Variants in RIMBP2 observed in about 807,000 individuals in gnomAD.
RIMBP2 encodes the protein RIMS binding protein 2, also known as RIMS-binding protein 2.
A neutral mutation model predicts 118.6 loss-of-function variants in RIMBP2; 48 were observed. The observed-to-expected ratio is 0.40, with a 90% CI of 0.32 to 0.51. RIMBP2 has a LOEUF of 0.51. RIMBP2 is among the 20% of genes least tolerant of loss of function. RIMBP2 has a pLI of 0.41. For synonymous variants in RIMBP2, 762 were observed against 742.9 expected, an observed-to-expected ratio of 1.03 and a Z score of -0.42; for missense variants, 1,551 against 1,768.3, an observed-to-expected ratio of 0.88 and a Z score of 2.20.
intron 2 of RIMBP2, among the ~76,000 whole-genome samples, chr12:130,550,522 C>T (rs1028964933): frequency 1.3e-5 from 2 of 152,126 alleles, no homozygotes; most frequent in South Asian, 2.1e-4. Flanking sequence ...CATGGTACCA[C>T]GGTGGTGAAT....
chr12:130,615,786 C>T (rs1594051538), intron 2 of RIMBP2, among the ~76,000 whole-genome samples: 1 of 152,102 alleles, frequency 6.6e-6, no homozygotes, highest in Non-Finnish European at 1.5e-5. Flanking sequence ...AAAACCAATG[C>T]CCACTAAGTT....
At position 130,506,722 on chromosome 12, in the gene RIMBP2, T is replaced by C; in HGVS notation, c.-78A>G. 1 of 985,786 alleles carries C rather than the reference T, an allele frequency of 1.0e-6. No individual in the cohort carries two copies. Among genetic ancestry groups the C allele is most frequent in the Non-Finnish European group, 1.2e-6 (1 of 829,944 alleles). 61.1% of individuals were successfully genotyped at this position (985,786 alleles called of 1,614,324 possible). A position where few individuals can be genotyped will look rare whatever the true frequency, so the allele number is the denominator to read the frequency against. ...TCCTTCACGGCCAAATCGCGCTCTC[T>C]GGTCACGAGGGTGAGCGGATGGTTG... On this transcript the variant is annotated 5_prime_UTR_variant, in exon 4 of 23. Coordinates refer to ENST00000690449, the MANE Select transcript of RIMBP2 (RefSeq NM_001393629.1).
In RIMBP2 at chr12:130,450,999, C is replaced by A. The variant is rs890072125; in HGVS notation, c.504+196G>T. 6.6e-6 allele frequency among the ~76,000 whole-genome samples: 1 copy of A among 151,876 alleles called. No homozygotes were observed. Among genetic ancestry groups the A allele is most frequent in the African/African-American group, 2.4e-5 (1 of 41,120 alleles). ...GCTCCCCCTTAGAACAGGGACCTCA[C>A]CTGTGTTCACAGAGGGGCCCCCCCA... On this transcript the variant is annotated intron_variant, in intron 8 of 22. Transcript: ENST00000690449. This position sits in a 1 kb window ranked among gnomAD's most constrained non-coding sequence, Gnocchi z 4.8.
At chr12:130,681,670 C>T (rs1301706062) in intron 1 of RIMBP2, among the ~76,000 whole-genome samples, 3 of 152,190 alleles carry the variant, frequency 2.0e-5, no homozygotes, top group Non-Finnish European at 1.5e-5. Flanking sequence ...CCATCCCTCA[C>T]ATGACAACCT....
At chr12:130,461,705 T>C (rs1030915928) in intron 6 of RIMBP2, among the ~76,000 whole-genome samples, 1 of 151,868 alleles carries the variant, frequency 6.6e-6, no homozygotes, top group Admixed American at 6.6e-5. Flanking sequence ...CAAGGTCTGC[T>C]TGTTGAAAAG....
rs1480034216 is a variant in RIMBP2, at chr12:130,396,379, A to G, written c.*982T>C. 4.6e-5 allele frequency: 7 copies of G among 152,810 alleles called. No homozygotes were observed. In the East Asian group the frequency reaches 1.3e-3, roughly 29 times the overall value. 9.5% of individuals were successfully genotyped at this position (152,810 alleles called of 1,614,324 possible). A position where few individuals can be genotyped will look rare whatever the true frequency, so the allele number is the denominator to read the frequency against. On this transcript the variant is annotated 3_prime_UTR_variant, in exon 23 of 23. Transcript: ENST00000690449. ...AAAGTATGTATAAAGAGTAAAAACA[A>G]TTTACAAGTGGACAAGAATTACAAA...
rs575380166 is a variant in RIMBP2 at position 130,677,497 on chromosome 12, G to A, written c.-352+38725C>T. On this transcript the variant is annotated intron_variant, in intron 1 of 22. Coordinates refer to ENST00000690449, the MANE Select transcript of RIMBP2 (RefSeq NM_001393629.1). ...ACAAAAATTAGCTCAGGGTGGTGGC[G>A]GGCACTTGTAGTCCCAGCTACTCAG... Among the ~76,000 whole-genome samples the A allele has an allele frequency of 9.9e-4, 150 of 152,116 alleles. 2 individuals are homozygous for A. Among genetic ancestry groups the A allele is most frequent in the African/African-American group, 3.4e-3 (143 of 41,484 alleles).
At chr12:130,490,141 A>AC (rs1355935689) in intron 4 of RIMBP2, among the ~76,000 whole-genome samples, 3 of 151,428 alleles carry the variant, frequency 2.0e-5, no homozygotes, top group Non-Finnish European at 4.4e-5. Flanking sequence ...AAAAAAAAAA[A>AC]AGATAAAAAA....
At chr12:130,407,881 T>A in intron 19 of RIMBP2, 52 bp from the exon 20 acceptor site, 1 of 1,528,470 alleles carries the variant, frequency 6.5e-7, no homozygotes, top group Non-Finnish European at 9.1e-7. Context: ...ATTTCAAACT[T>A]AGCGGTGTTC....
At chr12:130,485,921 A>T (rs2082431941) in intron 4 of RIMBP2, among the ~76,000 whole-genome samples, 1 of 152,208 alleles carries the variant, frequency 6.6e-6, no homozygotes, top group Non-Finnish European at 1.5e-5. Flanking sequence ...AGCTGTCAGA[A>T]AGGCGTGAGC....
chr12:130,430,635 T>TTC (rs2077091845), intron 14 of RIMBP2: 1 of 141,918 alleles, frequency 7.0e-6, no homozygotes, highest in African/African-American at 2.7e-5. Context: ...ATTTTTTTTT[T>TTC]TTTTTTTTTT....
intron 2 of RIMBP2, among the ~76,000 whole-genome samples, chr12:130,541,335 T>A (rs953183856): frequency 6.6e-6 from 1 of 152,224 alleles, no homozygotes; most frequent in Non-Finnish European, 1.5e-5. Context: ...TAGGATTCTT[T>A]CCTTATAGTA....
Position 130,451,345 on chromosome 12 carries a change from C to G in RIMBP2, c.359-5G>C, listed in dbSNP as rs892307204. On this transcript the variant is annotated splice_polypyrimidine_tract_variant and splice_region_variant and intron_variant, in intron 7 of 22. Transcript: ENST00000690449. The stretch of plus-strand genomic sequence containing the variant: ...CTCCAATAGCGCTCTCCTGACCTGG[C>G]CACGAACATTAAAACAAGTTGAAAC... 2 of 1,595,884 alleles carry G rather than the reference C, an allele frequency of 1.3e-6. No individual in the cohort carries two copies. Among genetic ancestry groups the G allele is most frequent in the Admixed American group, 1.7e-5 (1 of 58,086 alleles).
At chr12:130,589,191 G>A (rs891299206) in intron 2 of RIMBP2, among the ~76,000 whole-genome samples, 4 of 152,140 alleles carry the variant, frequency 2.6e-5, no homozygotes, top group African/African-American at 9.7e-5. Flanking sequence ...CCCTGGCAGG[G>A]CTGTCAACCC....
intron 1 of RIMBP2, among the ~76,000 whole-genome samples, chr12:130,645,053 T>C (rs1216522863): frequency 1.3e-5 from 2 of 152,028 alleles, no homozygotes; most frequent in African/African-American, 4.8e-5. Context: ...GTGGTTGGAG[T>C]GTTTACACCA....
chr12:130,652,384 CAA>C (rs1438903176), intron 1 of RIMBP2, among the ~76,000 whole-genome samples: 1 of 152,116 alleles, frequency 6.6e-6, no homozygotes, highest in Non-Finnish European at 1.5e-5. Flanking sequence ...GACTTTTTTC[CAA>C]AAAAGTTTGC....
intron 1 of RIMBP2, among the ~76,000 whole-genome samples, chr12:130,707,196 G>T (rs1240677003): frequency 1.3e-5 from 2 of 152,096 alleles, no homozygotes; most frequent in African/African-American, 4.8e-5. Flanking sequence ...CCGGAAAGAC[G>T]CAGACACACT....
At position 130,397,202 on chromosome 12, in the gene RIMBP2, CGTGGTTGGTTTAAA is replaced by C. The variant is rs1057367541; in HGVS notation, c.*145_*158del. The C allele has an allele frequency of 1.6e-5, 6 of 379,592 alleles. No homozygotes were observed. The highest frequency in any genetic ancestry group is 2.8e-5 in the Non-Finnish European group (6 of 214,514). 23.5% of individuals were successfully genotyped at this position (379,592 alleles called of 1,614,324 possible). On this transcript the variant is annotated 3_prime_UTR_variant, in exon 23 of 23. Coordinates refer to ENST00000690449, the MANE Select transcript of RIMBP2 (RefSeq NM_001393629.1). ...GAGAGCAACCGCTCCTCTTTGTTCT[CGTGGTTGGTTTAAA>C]GTGGTTGGTAGTGCAAAAGTGCATT...
chr12:130,611,300 C>A (rs1265936443), intron 2 of RIMBP2, among the ~76,000 whole-genome samples: 2 of 152,364 alleles, frequency 1.3e-5, no homozygotes, highest in Non-Finnish European at 2.9e-5. Flanking sequence ...CAGTGCCTGC[C>A]TCTCCAGGAG....
Sources: allele counts gnomAD v4.1 joint callset (sites outside exome capture counted in the v4.1 genomes callset), GRCh38; gene constraint gnomAD v4.1.1; non-coding constraint Gnocchi (gnomAD v3.1); transcripts MANE v1.5; gene names NCBI Gene and HGNC (gene_info 2026-07-23, HGNC 2026-07-21).